Variants in MRPL43 observed in about 807,000 individuals in gnomAD.
The protein encoded by MRPL43 is mitochondrial ribosomal protein L43.
A neutral mutation model predicts 12.7 loss-of-function variants in MRPL43; 9 were observed. The ratio of observed to expected loss-of-function variants is 0.71; its 90% CI spans 0.43 to 1.24. MRPL43 has a LOEUF of 1.24. Among genes scored for constraint, MRPL43 ranks in the 50% most tolerant of loss-of-function variants. The pLI, the probability that MRPL43 is intolerant of heterozygous loss-of-function variation, is 0.00. For synonymous variants in MRPL43, 116 were observed against 96.4 expected, an observed-to-expected ratio of 1.20 and a Z score of -1.19; for missense variants, 211 against 229.2, an observed-to-expected ratio of 0.92 and a Z score of 0.51.
At chr10:100,980,806 C>G (rs1433692602), downstream of MRPL43, 1 of 1,564,070 alleles carries the variant, frequency 6.4e-7, no homozygotes, top group Admixed American at 2.0e-5. Flanking sequence ...GACCAACTGT[C>G]CTATCTGGCT....
At chr10:100,978,472 CAT>C, downstream of MRPL43, 1 of 1,596,180 alleles carries the variant, frequency 6.3e-7, no homozygotes, top group African/African-American at 1.3e-5. Context: ...ATGTATATGT[CAT>C]GTGCCCTGTT....
chr10:100,978,697 C>G (rs1850912284), downstream of MRPL43: 2 of 1,571,446 alleles, frequency 1.3e-6, no homozygotes, highest in African/African-American at 1.4e-5. Context: ...TTCATTTTTA[C>G]TCCCTTGGCC....
At chr10:100,983,171 AG>A, downstream of MRPL43, 2 of 1,101,022 alleles carry the variant, frequency 1.8e-6, no homozygotes, top group Non-Finnish European at 2.5e-6. Context: ...ATGAGCACAG[AG>A]CCTGGGTCAG....
At chr10:100,980,200 T>C (rs753167511), downstream of MRPL43, 5 of 1,614,114 alleles carry the variant, frequency 3.1e-6, no homozygotes, top group Non-Finnish European at 4.2e-6. Flanking sequence ...CTTTGTAAAG[T>C]TGCACCCACT....
downstream of MRPL43, chr10:100,978,030 G>A: frequency 1.7e-6 from 1 of 572,396 alleles, no homozygotes; most frequent in South Asian, 2.1e-5. Flanking sequence ...TGTTCCACAG[G>A]ATGGGCTAGG....
rs753519082 is a variant in MRPL43 at position 100,986,878 on chromosome 10, C to A, written c.336G>T (p.Val112=). The change falls in exon 3 of 3, where the codon GTG becomes GTT. Residue 112 remains valine, a synonymous_variant. Coordinates refer to ENST00000318364, the MANE Select transcript of MRPL43 (RefSeq NM_032112.3). ...QKLADQSGLD[V]IRIRKPFHTD... ...TGTGGAAGGGCTTGCGGATGCGGAT[C>A]ACGTCCAAGCCCGACTGGTCGGCCA... 6.2e-7 allele frequency: 1 copy of A among 1,613,384 alleles called. No homozygotes were observed. The highest frequency in any genetic ancestry group is 8.5e-7 in the Non-Finnish European group (1 of 1,180,034).
downstream of MRPL43, chr10:100,985,091 G>C: frequency 1.7e-6 from 1 of 575,930 alleles, no homozygotes; most frequent in East Asian, 2.9e-5. Context: ...CCCTTGCCTA[G>C]GATGGATGAC....
downstream of MRPL43, chr10:100,978,595 C>T (rs1159156117): frequency 6.2e-7 from 1 of 1,614,022 alleles, no homozygotes; most frequent in Non-Finnish European, 8.5e-7. Context: ...GAGCCGCCAC[C>T]CACACTCCCT....
downstream of MRPL43, chr10:100,978,083 G>A: frequency 1.7e-6 from 1 of 585,058 alleles, no homozygotes; most frequent in East Asian, 2.8e-5. Context: ...TCTCTAGGTT[G>A]GCCACTTGCA....
downstream of MRPL43, chr10:100,978,934 G>A (rs781655724): frequency 9.9e-6 from 16 of 1,614,038 alleles, no homozygotes; most frequent in African/African-American, 1.1e-4. Flanking sequence ...ACTTCTTCAC[G>A]GAGCGTGCCA....
chr10:100,981,526 G>A (rs202196427), downstream of MRPL43: 116 of 1,613,892 alleles, frequency 7.2e-5, no homozygotes, highest in Non-Finnish European at 9.2e-5. Context: ...AAGGAAGATC[G>A]GATGACTGAA....
chr10:100,978,062 T>C (rs1044812412), downstream of MRPL43: 12 of 579,416 alleles, frequency 2.1e-5, no homozygotes, highest in East Asian at 1.7e-4. Context: ...TCTTCATAGA[T>C]AAGGAGTGAA....
At chr10:100,981,685 C>A, downstream of MRPL43, 1 of 1,047,834 alleles carries the variant, frequency 9.5e-7, no homozygotes, top group Non-Finnish European at 1.4e-6. Context: ...TTATTATTAT[C>A]CCCATGAGGG....
At chr10:100,984,635 G>A (rs768679541), downstream of MRPL43, 24 of 1,536,104 alleles carry the variant, frequency 1.6e-5, no homozygotes, top group Middle Eastern at 1.7e-4. Context: ...AATGTTTATC[G>A]GCTGGGCTGC....
chr10:100,986,953 C>T lies in MRPL43; in HGVS notation c.261G>A (p.Glu87=), dbSNP rs1851521192. 1 of 1,607,500 alleles carries T rather than the reference C, an allele frequency of 6.2e-7. No homozygotes were observed. Among genetic ancestry groups the T allele is most frequent in the South Asian group, 1.1e-5 (1 of 91,080 alleles). ...AEYLNGAVRE[E]SIHCKSVEEI... ...CCTCGACCGACTTGCAGTGGATGCT[C>T]TCCTCGCGCACAGCCCCGTTAACTG... Residue 87 remains glutamate, a synonymous_variant, in exon 3 of 3, where the codon GAG becomes GAA. Transcript: ENST00000318364.
chr10:100,984,519 A>G (rs755490675), downstream of MRPL43: 23 of 1,536,096 alleles, frequency 1.5e-5, no homozygotes, highest in Middle Eastern at 1.7e-4. Context: ...TATGGGCTCA[A>G]TGTCACCACC....
downstream of MRPL43, chr10:100,981,456 C>G (rs755486359): frequency 8.7e-6 from 14 of 1,614,042 alleles, no homozygotes; most frequent in African/African-American, 1.3e-5. Flanking sequence ...CTTGTCACTT[C>G]TGGAGCTTAT....
chr10:100,977,852 C>T, downstream of MRPL43: 4 of 807,780 alleles, frequency 5.0e-6, no homozygotes, highest in Non-Finnish European at 8.4e-6. Context: ...AAGGGGACTT[C>T]CATACAGGGC....
At chr10:100,983,878 A>G (rs889434035), downstream of MRPL43, 3 of 1,557,806 alleles carry the variant, frequency 1.9e-6, no homozygotes, top group African/African-American at 2.7e-5. Flanking sequence ...AGCTGTCTCC[A>G]GATCATCCCT....
Sources: gnomAD v4.1 joint callset for allele counts on GRCh38, gnomAD v4.1.1 for gene constraint, MANE v1.5 for transcripts, NCBI Gene and HGNC (gene_info 2026-07-23, HGNC 2026-07-21) for gene names.